Variants in ADARB2 observed in about 807,000 individuals in gnomAD.
ADARB2 encodes inactive double-stranded RNA-specific editase B2.
A neutral mutation model predicts 62.2 loss-of-function variants in ADARB2; 25 were observed. That is an observed-to-expected ratio of 0.40 (90% CI 0.29 to 0.56). The LOEUF is 0.56. ADARB2 is among the 20% of genes least tolerant of loss of function. ADARB2 has a pLI of 0.43. For missense variants in ADARB2, 1,071 were observed against 1,077.4 expected (o/e 0.99, Z 0.08); for synonymous variants, 572 against 500.8 (o/e 1.14, Z -1.90).
At chr10:1,452,346 T>A (rs1237945509) in intron 1 of ADARB2, among the ~76,000 whole-genome samples, 1 of 152,038 alleles carries the variant, frequency 6.6e-6, no homozygotes, top group Non-Finnish European at 1.5e-5. Flanking sequence ...GTAATAATAA[T>A]AATAACAATA....
intron 2 of ADARB2, among the ~76,000 whole-genome samples, chr10:1,370,771 G>T (rs1195866260): frequency 6.6e-6 from 1 of 152,162 alleles, no homozygotes; most frequent in Non-Finnish European, 1.5e-5. Context: ...TAGCTACAAG[G>T]AGAGCTACAA....
intron 1 of ADARB2, among the ~76,000 whole-genome samples, chr10:1,731,301 C>T (rs1835229084): frequency 6.6e-6 from 1 of 152,172 alleles, no homozygotes; most frequent in Non-Finnish European, 1.5e-5. Flanking sequence ...TAGCCCCGTC[C>T]TCCATTCCTT....
intron 1 of ADARB2, among the ~76,000 whole-genome samples, chr10:1,707,029 G>T (rs1834898647): frequency 6.6e-6 from 1 of 152,168 alleles, no homozygotes; most frequent in Non-Finnish European, 1.5e-5. Flanking sequence ...GAGTGAAGAG[G>T]GAGATACACC....
chr10:1,623,510 A>G (rs986873806), intron 1 of ADARB2, among the ~76,000 whole-genome samples: 1 of 152,254 alleles, frequency 6.6e-6, no homozygotes, highest in African/African-American at 2.4e-5. Flanking sequence ...CACAGCCCAT[A>G]GAATTTTTGT....
At chr10:1,519,893 A>G (rs1231439391) in intron 1 of ADARB2, among the ~76,000 whole-genome samples, 1 of 152,174 alleles carries the variant, frequency 6.6e-6, no homozygotes, top group Non-Finnish European at 1.5e-5. Flanking sequence ...ACCATAGAGT[A>G]TTCAAATAAT....
At chr10:1,692,709 A>G (rs146368534) in intron 1 of ADARB2, among the ~76,000 whole-genome samples, 1 of 152,104 alleles carries the variant, frequency 6.6e-6, no homozygotes, top group Non-Finnish European at 1.5e-5. Context: ...GAAGGGCTAC[A>G]AACATTTTTT....
At chr10:1,262,818 A>G (rs1272103392) in intron 4 of ADARB2, among the ~76,000 whole-genome samples, 2 of 152,296 alleles carry the variant, frequency 1.3e-5, no homozygotes, top group East Asian at 1.9e-4. Context: ...GCTGCTGTAA[A>G]GACATATGCA....
intron 1 of ADARB2, among the ~76,000 whole-genome samples, chr10:1,472,824 G>C (rs1244750412): frequency 6.6e-6 from 1 of 152,204 alleles, no homozygotes; most frequent in Non-Finnish European, 1.5e-5. Flanking sequence ...GCATGAACAG[G>C]GCAGGAGAGG....
intron 1 of ADARB2, among the ~76,000 whole-genome samples, chr10:1,724,020 TTCTC>T (rs773114479): frequency 6.6e-6 from 1 of 152,214 alleles, no homozygotes; most frequent in African/African-American, 2.4e-5. Context: ...TTCTGTGGTT[TTCTC>T]TCTGTCATGG....
At chr10:1,690,787 C>T (rs541745548) in intron 1 of ADARB2, among the ~76,000 whole-genome samples, 1 of 152,206 alleles carries the variant, frequency 6.6e-6, no homozygotes, top group Non-Finnish European at 1.5e-5. Context: ...CACCCCCTCC[C>T]CAGCCTGCAT....
intron 1 of ADARB2, among the ~76,000 whole-genome samples, chr10:1,673,989 C>T (rs937284595): frequency 6.6e-6 from 1 of 152,182 alleles, no homozygotes; most frequent in Non-Finnish European, 1.5e-5. Flanking sequence ...GTTAAATGTG[C>T]AAAACTGAGA....
At position 1,477,921 on chromosome 10, in the gene ADARB2, GC is replaced by G. The variant is rs1338727592; in HGVS notation, c.101-98762del. 6.6e-6 allele frequency among the ~76,000 whole-genome samples: 1 copy of G among 152,204 alleles called. No homozygotes were observed. Among genetic ancestry groups the G allele is most frequent in the Non-Finnish European group, 1.5e-5 (1 of 68,028 alleles). ...GCCCTGACATGCATCCCAGGGAAGA[GC>G]CCCTCTGCTGGAGGACTAAGAGGGT... On this transcript the variant is annotated intron_variant, in intron 1 of 9. Transcript: ENST00000381312. This position sits in a 1 kb window ranked among gnomAD's most constrained non-coding sequence, Gnocchi z 4.5.
At chr10:1,495,536 T>C (rs910180206) in intron 1 of ADARB2, among the ~76,000 whole-genome samples, 2 of 152,224 alleles carry the variant, frequency 1.3e-5, no homozygotes, top group Non-Finnish European at 2.9e-5. Context: ...CAATGCTACA[T>C]TTTGGCAGAA....
Position 1,495,508 on chromosome 10 carries a change from A to T in ADARB2, c.101-116348T>A, listed in dbSNP as rs528148134. Reference sequence around the variant, plus strand: ...GGTTTAAACATTTATACCCAGGTTGATGAATAGAATTCCAGCCCAATGCTA... The same window carrying T: ...GGTTTAAACATTTATACCCAGGTTGTTGAATAGAATTCCAGCCCAATGCTA... On this transcript the variant is annotated intron_variant, in intron 1 of 9. Coordinates refer to ENST00000381312, the MANE Select transcript of ADARB2 (RefSeq NM_018702.4). Among the ~76,000 whole-genome samples, 16 of 152,356 alleles carry T rather than the reference A, an allele frequency of 1.1e-4. No individual in the cohort carries two copies. The South Asian group carries it at 3.1e-3, about 30-fold the overall frequency.
At chr10:1,484,831 T>C (rs1831521176) in intron 1 of ADARB2, among the ~76,000 whole-genome samples, 1 of 152,076 alleles carries the variant, frequency 6.6e-6, no homozygotes, top group Admixed American at 6.5e-5. Context: ...GGCATGCAGG[T>C]GTGTATGTAG....
intron 4 of ADARB2, among the ~76,000 whole-genome samples, chr10:1,262,044 A>C (rs1831142751): frequency 6.8e-6 from 1 of 147,128 alleles, no homozygotes; most frequent in Non-Finnish European, 1.5e-5. Flanking sequence ...TCGCAAGAAC[A>C]AACAACCAAA....
chr10:1,695,862 A>G (rs1834735384), intron 1 of ADARB2, among the ~76,000 whole-genome samples: 3 of 143,014 alleles, frequency 2.1e-5, no homozygotes, highest in African/African-American at 9.1e-5. Flanking sequence ...GCATCCATGT[A>G]CACACACATG....
chr10:1,594,923 C>T lies in ADARB2; in HGVS notation c.100+142128G>A, dbSNP rs546474218. On this transcript the variant is annotated intron_variant, in intron 1 of 9. Transcript: ENST00000381312. ...GGGTGCCATCCACGCATCCAGCACA[C>T]AGCCGCTGAGCGCCCACTGCCTCCC... 3.9e-5 allele frequency among the ~76,000 whole-genome samples: 6 copies of T among 152,300 alleles called. No homozygotes were observed. The East Asian group carries it at 1.2e-3, about 29-fold the overall frequency.
intron 3 of ADARB2, among the ~76,000 whole-genome samples, chr10:1,344,297 A>G (rs549039408): frequency 6.6e-6 from 1 of 152,352 alleles, no homozygotes; most frequent in Admixed American, 6.5e-5. Flanking sequence ...AGTCAAGGTC[A>G]TGTGTGAACT....
Sources: allele counts gnomAD v4.1 joint callset (sites outside exome capture counted in the v4.1 genomes callset), GRCh38; gene constraint gnomAD v4.1.1; non-coding constraint Gnocchi (gnomAD v3.1); transcripts MANE v1.5; gene names NCBI Gene and HGNC (gene_info 2026-07-23, HGNC 2026-07-21).